Variants in VWA3B observed in about 807,000 individuals in gnomAD.
VWA3B encodes von Willebrand factor A domain-containing protein 3B.
VWA3B carries 138 observed loss-of-function variants against 158.3 expected under a neutral mutation model. That is an observed-to-expected ratio of 0.87 (90% CI 0.76 to 1.00). The LOEUF is 1.00. VWA3B is among the 50% of genes least tolerant of loss of function. The pLI is 0.00. For missense variants in VWA3B, 1,555 were observed against 1,565.1 expected (o/e 0.99, Z 0.11); for synonymous variants, 596 against 587.3 (o/e 1.01, Z -0.21).
At chr2:98,187,517 G>A (rs142064044) in intron 9 of VWA3B, among the ~76,000 whole-genome samples, 15 of 152,222 alleles carry the variant, frequency 9.9e-5, no homozygotes, top group African/African-American at 2.9e-4. Flanking sequence ...GAATGGTCTC[G>A]CTGGCCGTCT....
chr2:98,273,902 G>A (rs946308275), intron 22 of VWA3B, among the ~76,000 whole-genome samples: 2 of 152,194 alleles, frequency 1.3e-5, no homozygotes, highest in Non-Finnish European at 2.9e-5. Context: ...TCAGAGCAGA[G>A]ATAATTGTGT....
At chr2:98,281,205 G>GGA (rs1312134758) in intron 22 of VWA3B, among the ~76,000 whole-genome samples, 2 of 152,170 alleles carry the variant, frequency 1.3e-5, no homozygotes, top group African/African-American at 4.8e-5. Flanking sequence ...AAATGAGCGG[G>GGA]GAGAGAGTGA....
chr2:98,143,227 C>T (rs534572610), intron 7 of VWA3B, among the ~76,000 whole-genome samples: 68 of 152,156 alleles, frequency 4.5e-4, no homozygotes, highest in Non-Finnish European at 7.2e-4. Context: ...TTAGTGGAGA[C>T]GAGGTTTCAC....
At chr2:98,179,493 A>C (rs1292563589) in intron 8 of VWA3B, among the ~76,000 whole-genome samples, 3 of 152,198 alleles carry the variant, frequency 2.0e-5, no homozygotes, top group Admixed American at 1.3e-4. Context: ...GTGGAAAGCC[A>C]GGCTGTGAGT....
chr2:98,254,687 A>G (rs1687000640), intron 20 of VWA3B, among the ~76,000 whole-genome samples: 1 of 152,192 alleles, frequency 6.6e-6, no homozygotes, highest in Non-Finnish European at 1.5e-5. Flanking sequence ...CGACACTAGG[A>G]GTGGAGCGGT....
intron 14 of VWA3B, among the ~76,000 whole-genome samples, chr2:98,223,594 A>G (rs2105647857): frequency 6.6e-6 from 1 of 152,326 alleles, no homozygotes; most frequent in Admixed American, 6.5e-5. Context: ...GAGAAAAATG[A>G]CACCAATTCA....
intron 19 of VWA3B, among the ~76,000 whole-genome samples, chr2:98,242,930 CT>C (rs1379744934): frequency 6.6e-6 from 1 of 151,466 alleles, no homozygotes; most frequent in Non-Finnish European, 1.5e-5. Context: ...GATAGAAAAG[CT>C]TTTTAATTAA....
At chr2:98,206,386 C>T in intron 12 of VWA3B, 1 of 242,496 alleles carries the variant, frequency 4.1e-6, no homozygotes, top group Non-Finnish European at 8.6e-6. Context: ...GAGGGACTAC[C>T]ATCTATTTTA....
chr2:98,237,871 G>A (rs1432331784), intron 19 of VWA3B, among the ~76,000 whole-genome samples: 4 of 152,140 alleles, frequency 2.6e-5, no homozygotes, highest in Non-Finnish European at 5.9e-5. Context: ...TTGGGGTGGT[G>A]GAGTAGTGGG....
chr2:98,202,228 A>G (rs1574066882), intron 12 of VWA3B, among the ~76,000 whole-genome samples: 1 of 152,222 alleles, frequency 6.6e-6, no homozygotes, highest in South Asian at 2.1e-4. Context: ...TCTGTGAGTT[A>G]GTTTTGGTCA....
chr2:98,212,169 G>T, intron 13 of VWA3B, 141 bp downstream of exon 13: 1 of 621,438 alleles, frequency 1.6e-6, no homozygotes, highest in Non-Finnish European at 2.8e-6. Flanking sequence ...CAGATCTGAG[G>T]TGAGAAAATA....
intron 12 of VWA3B, among the ~76,000 whole-genome samples, chr2:98,204,216 T>TA (rs1474820958): frequency 1.3e-5 from 2 of 152,212 alleles, no homozygotes; most frequent in Non-Finnish European, 2.9e-5. Context: ...TAGACAGTAG[T>TA]ATTTGTTTGT....
At chr2:98,267,534 A>G (rs891634756) in intron 21 of VWA3B, among the ~76,000 whole-genome samples, 2 of 152,148 alleles carry the variant, frequency 1.3e-5, no homozygotes, top group African/African-American at 2.4e-5. Context: ...GGACGCATTC[A>G]TAGCAGTGTG....
intron 22 of VWA3B, among the ~76,000 whole-genome samples, chr2:98,286,866 G>A (rs1689191876): frequency 6.6e-6 from 1 of 151,986 alleles, no homozygotes; most frequent in African/African-American, 2.4e-5. Context: ...CCAGAAATCT[G>A]GGTTTATTAA....
chr2:98,193,076 G>T, intron 11 of VWA3B, 40 bp downstream of exon 11: 1 of 1,578,206 alleles, frequency 6.3e-7, no homozygotes, highest in Non-Finnish European at 8.6e-7. Flanking sequence ...GGGGCTTTGT[G>T]TATCAGATGG....
At chr2:98,180,086 CTCTT>C (rs57697305) in intron 8 of VWA3B, among the ~76,000 whole-genome samples, 3,842 of 144,422 alleles carry the variant, frequency 0.027, 160 homozygotes, top group African/African-American at 0.093. Flanking sequence ...CTTTCTTTCT[CTCTT>C]TCTTTCTTTC....
intron 22 of VWA3B, among the ~76,000 whole-genome samples, chr2:98,282,432 CTT>C (rs759230723): frequency 4.0e-4 from 50 of 124,894 alleles, no homozygotes; most frequent in Non-Finnish European, 4.7e-4. Flanking sequence ...ACATGAATTA[CTT>C]TTTTTTTTTT....
intron 20 of VWA3B, among the ~76,000 whole-genome samples, chr2:98,253,460 T>C (rs1261141974): frequency 6.6e-6 from 1 of 152,120 alleles, no homozygotes; most frequent in Non-Finnish European, 1.5e-5. Flanking sequence ...AATTTTGGCT[T>C]TGTGTGTCTG....
chr2:98,166,819 C>CACACACACAA (rs1316537459), intron 8 of VWA3B, among the ~76,000 whole-genome samples: 1 of 152,092 alleles, frequency 6.6e-6, no homozygotes, highest in African/African-American at 2.4e-5. Context: ...CACACACACA[C>CACACACACAA]ACACACTCAA....
Sources: allele counts gnomAD v4.1 joint callset (sites outside exome capture counted in the v4.1 genomes callset), GRCh38; gene constraint gnomAD v4.1.1; transcripts MANE v1.5; gene names NCBI Gene and HGNC (gene_info 2026-07-23, HGNC 2026-07-21).